The following CHCHD3 variants were observed in gnomAD, a reference collection of about 807,000 sequenced individuals.
CHCHD3 encodes the protein MICOS complex subunit MIC19.
In CHCHD3, 20 loss-of-function variants were observed where a neutral mutation model predicts 38.2. That is an observed-to-expected ratio of 0.52 (90% CI 0.37 to 0.76). CHCHD3 has a LOEUF of 0.76. CHCHD3 is among the 30% of genes least tolerant of loss of function. The pLI, the probability that CHCHD3 is intolerant of heterozygous loss-of-function variation, is 0.00. For synonymous variants in CHCHD3, 82 were observed against 100.0 expected (o/e 0.82, Z 1.07); for missense variants, 245 against 279.2 (o/e 0.88, Z 0.87).
At chr7:132,902,799 C>T (rs1002277271) in intron 4 of CHCHD3, among the ~76,000 whole-genome samples, 1 of 151,984 alleles carries the variant, frequency 6.6e-6, no homozygotes, top group Non-Finnish European at 1.5e-5. Flanking sequence ...CACATGTACC[C>T]TAGAACTTAA....
At chr7:132,930,163 ATTTTTT>A (rs769791949) in intron 4 of CHCHD3, among the ~76,000 whole-genome samples, 1 of 127,502 alleles carries the variant, frequency 7.8e-6, no homozygotes, top group Non-Finnish European at 1.7e-5. Context: ...CCCACTCCTA[ATTTTTT>A]TTTTTTTTTT....
At chr7:133,010,380 A>C (rs1235052878) in intron 3 of CHCHD3, among the ~76,000 whole-genome samples, 1 of 152,190 alleles carries the variant, frequency 6.6e-6, no homozygotes, top group Non-Finnish European at 1.5e-5. Context: ...AAATATATGC[A>C]CAGCGCACAG....
In CHCHD3 at chr7:132,797,577, C is replaced by T. The variant is rs191433138; in HGVS notation, c.525-1000G>A. Among the ~76,000 whole-genome samples the T allele has an allele frequency of 9.5e-4, 145 of 152,236 alleles. 1 individual carries two copies. The highest frequency in any genetic ancestry group is 1.7e-3 in the Non-Finnish European group (119 of 68,018). On this transcript the variant is annotated intron_variant, in intron 6 of 7. Transcript: ENST00000262570. Reference sequence around the variant, plus strand: ...CTTTGTTACCTCAGCTATTAGACATCGGAACCCTACAGAAGTCATGTAATA... The same window carrying T: ...CTTTGTTACCTCAGCTATTAGACATTGGAACCCTACAGAAGTCATGTAATA...
chr7:132,924,714 A>G, intron 4 of CHCHD3, among the ~76,000 whole-genome samples: 1 of 152,370 alleles, frequency 6.6e-6, no homozygotes, highest in Non-Finnish European at 1.5e-5. Context: ...AATAGAAACA[A>G]GTAATATTTC....
intron 3 of CHCHD3, among the ~76,000 whole-genome samples, chr7:132,984,016 A>C (rs1584619397): frequency 4.2e-5 from 6 of 144,002 alleles, no homozygotes; most frequent in African/African-American, 1.0e-4. Context: ...CCCTCTCCCC[A>C]CGGTCTCCCT....
At chr7:132,879,515 T>C (rs1404276827) in intron 5 of CHCHD3, among the ~76,000 whole-genome samples, 1 of 151,946 alleles carries the variant, frequency 6.6e-6, no homozygotes, top group African/African-American at 2.4e-5. Flanking sequence ...GTCTTCAACA[T>C]GTCCTGGGGA....
At chr7:132,927,055 T>C (rs1057219251) in intron 4 of CHCHD3, among the ~76,000 whole-genome samples, 1 of 152,212 alleles carries the variant, frequency 6.6e-6, no homozygotes, top group Non-Finnish European at 1.5e-5. Flanking sequence ...GAGGGAACTT[T>C]AGGGAGCACA....
At chr7:132,992,885 G>T (rs1812320394) in intron 3 of CHCHD3, among the ~76,000 whole-genome samples, 1 of 152,046 alleles carries the variant, frequency 6.6e-6, no homozygotes, top group Non-Finnish European at 1.5e-5. Context: ...TCTCCTTAAT[G>T]GACTCTGCCT....
In CHCHD3 at chr7:132,946,984, C is replaced by T. The variant is rs1810918134; in HGVS notation, c.369+28185G>A. ...CAGAAAATGTACACAAACCACCATA[C>T]TTTTCTGCTAAACAGTTATAAACCT... On this transcript the variant is annotated intron_variant, in intron 4 of 7. Transcript: ENST00000262570. 2.0e-5 allele frequency among the ~76,000 whole-genome samples: 3 copies of T among 152,064 alleles called. 1 individual carries two copies. The South Asian group carries it at 6.2e-4, about 32-fold the overall frequency.
intron 3 of CHCHD3, among the ~76,000 whole-genome samples, chr7:132,996,518 A>T (rs1484342682): frequency 6.6e-6 from 1 of 152,228 alleles, no homozygotes; most frequent in Non-Finnish European, 1.5e-5. Flanking sequence ...TGTGTGTAAG[A>T]TTATATCATA....
intron 6 of CHCHD3, among the ~76,000 whole-genome samples, chr7:132,826,704 C>T (rs904250070): frequency 1.3e-5 from 2 of 152,212 alleles, no homozygotes; most frequent in African/African-American, 2.4e-5. Flanking sequence ...CAAGCTTTTA[C>T]AAGTTTTCAA....
chr7:132,902,364 CAT>C lies in CHCHD3; in HGVS notation c.370-16621_370-16620del, dbSNP rs557991348. Among the ~76,000 whole-genome samples the C allele has an allele frequency of 3.4e-3, 520 of 152,326 alleles. 3 individuals carry two copies. Among genetic ancestry groups the C allele is most frequent in the African/African-American group, 0.012 (486 of 41,558 alleles). On this transcript the variant is annotated intron_variant, in intron 4 of 7. Transcript: ENST00000262570. Reference sequence around the variant, plus strand: ...AGTCATGCTGCTATAAAGACACACACATACGTATGTTTATTGCAGCACTACTC... The same window carrying C: ...AGTCATGCTGCTATAAAGACACACACACGTATGTTTATTGCAGCACTACTC...
intron 5 of CHCHD3, chr7:132,849,190 T>C (rs1397595746): frequency 6.6e-6 from 1 of 152,192 alleles, no homozygotes; most frequent in Non-Finnish European, 1.5e-5. Context: ...ACAATACCAT[T>C]CTTGCCAGCA....
At chr7:132,807,068 T>G (rs970226724) in intron 6 of CHCHD3, among the ~76,000 whole-genome samples, 1 of 152,156 alleles carries the variant, frequency 6.6e-6, no homozygotes, top group Non-Finnish European at 1.5e-5. Context: ...GCTGGGTCAG[T>G]GCTCTGATAG....
At chr7:132,834,436 C>T (rs1807725682) in intron 6 of CHCHD3, among the ~76,000 whole-genome samples, 1 of 152,162 alleles carries the variant, frequency 6.6e-6, no homozygotes, top group African/African-American at 2.4e-5. Context: ...TGTGTTAAAA[C>T]CTAGGTTTTG....
At chr7:132,946,306 A>C (rs1390390285) in intron 4 of CHCHD3, among the ~76,000 whole-genome samples, 1 of 151,930 alleles carries the variant, frequency 6.6e-6, no homozygotes, top group Non-Finnish European at 1.5e-5. Flanking sequence ...TTTGAAATGT[A>C]CCTGATATAT....
chr7:132,953,571 C>G (rs1811084462), intron 4 of CHCHD3, among the ~76,000 whole-genome samples: 1 of 152,188 alleles, frequency 6.6e-6, no homozygotes, highest in Non-Finnish European at 1.5e-5. Context: ...CAGACTGATT[C>G]TCTTCTCCCT....
rs1554402334 is a variant in CHCHD3, at chr7:133,027,363, A to AG, written c.170-2737_170-2736insC. Among the ~76,000 whole-genome samples, 155 of 133,880 alleles carry AG rather than the reference A, an allele frequency of 1.2e-3. 1 individual carries two copies. The highest frequency in any genetic ancestry group is 3.8e-3 in the African/African-American group (137 of 36,496). The allele number at this position is 133,880 out of a possible 152,430, so 87.8% of individuals were successfully genotyped here. The stretch of plus-strand genomic sequence containing the variant: ...TGCTAAATGTACCTTAATAAGTTGT[A>AG]AGAGAGAGAGAGAGAGAGAGAGAAA... On this transcript the variant is annotated intron_variant, in intron 2 of 7. Coordinates refer to ENST00000262570, the MANE Select transcript of CHCHD3 (RefSeq NM_017812.4).
intron 5 of CHCHD3, among the ~76,000 whole-genome samples, chr7:132,848,485 G>A (rs529102192): frequency 3.0e-4 from 45 of 152,240 alleles, no homozygotes; most frequent in African/African-American, 1.1e-3. Context: ...AGTGGCATCA[G>A]GTGTTCAGAA....
Sources: allele counts gnomAD v4.1 joint callset (sites outside exome capture counted in the v4.1 genomes callset), GRCh38; gene constraint gnomAD v4.1.1; transcripts MANE v1.5; gene names NCBI Gene and HGNC (gene_info 2026-07-23, HGNC 2026-07-21).